RNPEP: variants seen among roughly 807,000 people sequenced by gnomAD.
The protein encoded by RNPEP is aminopeptidase B.
Under a neutral mutation model 70.1 loss-of-function variants are expected in RNPEP, and 57 were observed. The ratio of observed to expected loss-of-function variants is 0.81; its 90% CI spans 0.66 to 1.01. The LOEUF is 1.01. Ranked by LOEUF, RNPEP falls within the 50% of genes least tolerant of loss-of-function variation. The probability of loss-of-function intolerance (pLI) is 0.00; values close to 1 mark genes in which losing one functional copy is unlikely to be tolerated. For synonymous variants in RNPEP, 335 were observed against 357.4 expected, an observed-to-expected ratio of 0.94 and a Z score of 0.71; for missense variants, 787 against 852.4, an observed-to-expected ratio of 0.92 and a Z score of 0.96.
rs556004802 is a variant in RNPEP, at chr1:201,999,837, C to A, written c.1091-65C>A. The stretch of plus-strand genomic sequence containing the variant: ...CAAGGAGGCAGCACAGTGTCTCTGT[C>A]AGGAAAATACACTTGGATGTGGTGA... On this transcript the variant is annotated intron_variant, in intron 5 of 10. Coordinates refer to ENST00000295640, the MANE Select transcript of RNPEP (RefSeq NM_020216.4). 458 of 1,298,340 alleles carry A rather than the reference C, an allele frequency of 3.5e-4. 6 individuals carry two copies. The South Asian group carries it at 5.5e-3, about 16-fold the overall frequency. The allele number at this position is 1,298,340 out of a possible 1,614,324, so 80.4% of individuals were successfully genotyped here.
rs1010317728 is a variant in RNPEP, at chr1:201,989,040, T to C, written c.584T>C (p.Ile195Thr). 1.2e-6 allele frequency: 2 copies of C among 1,613,776 alleles called. No individual in the cohort carries two copies. The highest frequency in any genetic ancestry group is 1.7e-6 in the Non-Finnish European group (2 of 1,179,882). Residue 195 changes from isoleucine to threonine, a missense_variant, in exon 2 of 11, where the codon ATT becomes ACT. Physicochemically the swap from Ile to Thr is moderately conservative, Grantham distance 89. Transcript: ENST00000295640. ...PAVKYKYSAL[I>T]EVPDGFTAVM... is the part of the protein sequence containing the mutation. ...GTTAAATACAAGTATTCAGCTCTTATTGAGGTAAGGAGACTAAGGTTAGGT... is the reference window on the plus strand; with the variant it reads ...GTTAAATACAAGTATTCAGCTCTTACTGAGGTAAGGAGACTAAGGTTAGGT...
chr1:201,997,492 A>C lies in RNPEP; in HGVS notation c.1028A>C (p.Glu343Ala), dbSNP rs1683601929. 6.2e-7 allele frequency: 1 copy of C among 1,614,108 alleles called. No homozygotes were observed. Among genetic ancestry groups the C allele is most frequent in the Non-Finnish European group, 8.5e-7 (1 of 1,180,026 alleles). Reference protein sequence around the residue: ...GNLVTNANWGEFWLNEGFTMY... With the variant: ...GNLVTNANWGAFWLNEGFTMY... ...CTGGTCACCAACGCCAACTGGGGTGAATTCTGGCTCAATGAAGGTTTCACC... is the reference window on the plus strand; with the variant it reads ...CTGGTCACCAACGCCAACTGGGGTGCATTCTGGCTCAATGAAGGTTTCACC... The change falls in exon 5 of 11, where the codon GAA becomes GCA. Residue 343 changes from glutamate (E) to alanine (A), a missense_variant. Glu to Ala is a moderately radical substitution (Grantham distance 107, BLOSUM62 -1). Coordinates refer to ENST00000295640, the MANE Select transcript of RNPEP (RefSeq NM_020216.4).
At chr1:201,996,392 G>C (rs1038970313) in intron 4 of RNPEP, 129 bp downstream of exon 4, 4 of 727,580 alleles carry the variant, frequency 5.5e-6, no homozygotes, top group Non-Finnish European at 9.9e-6. Context: ...AAGTGAAGGA[G>C]AGGAGGAAGA....
chr1:201,989,800 A>C (rs1440130873), intron 3 of RNPEP, among the ~76,000 whole-genome samples: 4 of 151,648 alleles, frequency 2.6e-5, no homozygotes, highest in Non-Finnish European at 4.4e-5. Flanking sequence ...GGGCTGCCTT[A>C]CAGAGGGATG....
chr1:201,994,712 G>A (rs1277124962), intron 3 of RNPEP, among the ~76,000 whole-genome samples: 2 of 150,712 alleles, frequency 1.3e-5, no homozygotes, highest in East Asian at 1.9e-4. Context: ...TGTCACCCAG[G>A]CTGGAGTGCG....
rs1378110799 is a variant in RNPEP, at chr1:201,989,529, C to T, written c.735C>T (p.Pro245=). 6.2e-7 allele frequency: 1 copy of T among 1,614,094 alleles called. No individual in the cohort carries two copies. The change falls in exon 3 of 11, where the codon CCC becomes CCT. Residue 245 remains proline, a splice_region_variant and synonymous_variant. Coordinates refer to ENST00000295640, the MANE Select transcript of RNPEP (RefSeq NM_020216.4). The part of the protein sequence containing the change: ...IGDLVSAEVG[P]RSRVWAEPCL... Reference sequence around the variant, plus strand: ...ATCTGGTTTCGGCTGAAGTTGGACCCAGGTAGGAGACAAAGACCCCACAGG... The same window carrying T: ...ATCTGGTTTCGGCTGAAGTTGGACCTAGGTAGGAGACAAAGACCCCACAGG...
At chr1:201,990,821 C>A (rs1683300598) in intron 3 of RNPEP, among the ~76,000 whole-genome samples, 1 of 152,180 alleles carries the variant, frequency 6.6e-6, no homozygotes, top group African/African-American at 2.4e-5. Flanking sequence ...AAAAGGATGT[C>A]ATCTTTGCAA....
chr1:201,996,503 G>GTGTC (rs1683561709), intron 4 of RNPEP: 2 of 385,540 alleles, frequency 5.2e-6, no homozygotes, highest in Admixed American at 8.2e-5. Context: ...GTGTGTGTGT[G>GTGTC]TGTGTTTTGA....
In RNPEP at chr1:201,989,003, G is replaced by A. The variant is rs1211700238; in HGVS notation, c.547G>A (p.Asp183Asn). 22 of 1,614,016 alleles carry A rather than the reference G, an allele frequency of 1.4e-5. No individual in the cohort carries two copies. Among genetic ancestry groups the A allele is most frequent in the East Asian group, 2.2e-5 (1 of 44,900 alleles). Reference protein sequence around the residue: ...VLNRAFFPCFDTPAVKYKYSA... With the variant: ...VLNRAFFPCFNTPAVKYKYSA... The stretch of plus-strand genomic sequence containing the variant: ...AAACCGGGCCTTCTTCCCTTGCTTC[G>A]ACACGCCTGCTGTTAAATACAAGTA... Residue 183 changes from aspartate (D) to asparagine (N), a missense_variant, in exon 2 of 11, where the codon GAC (aspartate) becomes AAC (asparagine). Transcript: ENST00000295640.
intron 10 of RNPEP, 148 bp from the exon 11 acceptor site, chr1:202,005,410 C>T: frequency 1.2e-6 from 1 of 844,108 alleles, no homozygotes; most frequent in Admixed American, 2.6e-5. Context: ...TAGAGCACTT[C>T]TGATGAGAAG....
chr1:201,988,955 TAC>T lies in RNPEP; in HGVS notation c.502_503del (p.Thr168ProfsTer20). ...QTAGKKKPFV[Y>X]TQGQAVLNRA... ...AGCAGGAAAGAAGAAGCCCTTCGTG[TAC>T]ACCCAGGGCCAGGCTGTCCTAAACC... On this transcript the variant is annotated frameshift_variant, in exon 2 of 11. Coordinates refer to ENST00000295640, the MANE Select transcript of RNPEP (RefSeq NM_020216.4). LOFTEE classifies it high-confidence loss of function. The T allele has an allele frequency of 6.2e-7, 1 of 1,614,024 alleles. No homozygotes were observed. The highest frequency in any genetic ancestry group is 8.5e-7 in the Non-Finnish European group (1 of 1,179,964).
chr1:201,986,706 AT>A (rs1683144806), intron 1 of RNPEP, among the ~76,000 whole-genome samples: 1 of 151,430 alleles, frequency 6.6e-6, no homozygotes, highest in Admixed American at 6.6e-5. Flanking sequence ...ACCCTGGTTA[AT>A]TTTTGTATTT....
In RNPEP at chr1:202,001,693, T is replaced by G; in HGVS notation, c.1352T>G (p.Leu451Ter). 1 of 1,613,900 alleles carries G rather than the reference T, an allele frequency of 6.2e-7. No individual in the cohort carries two copies. The highest frequency in any genetic ancestry group is 8.5e-7 in the Non-Finnish European group (1 of 1,179,744). ...CATGAATTCAAATTCCGAAGCATCT[T>G]AGCCGATGACTTTCTGGACTTCTAC... ...YVHEFKFRSI[L>*]ADDFLDFYLE... The change falls in exon 8 of 11, where the codon TTA becomes TGA. Residue 451 changes from leucine (L) to a stop codon, truncating the protein, a stop_gained. Transcript: ENST00000295640. LOFTEE classifies it high-confidence loss of function.
chr1:201,984,184 C>T (rs1433038110), intron 1 of RNPEP, among the ~76,000 whole-genome samples: 1 of 152,178 alleles, frequency 6.6e-6, no homozygotes, highest in Non-Finnish European at 1.5e-5. Flanking sequence ...CCTGCCTCGG[C>T]GGCCTCCCAA....
chr1:201,989,619 G>A (rs1342391237), intron 3 of RNPEP, 88 bp downstream of exon 3: 1 of 1,428,748 alleles, frequency 7.0e-7, no homozygotes, highest in Non-Finnish European at 9.7e-7. Context: ...GGGGGTTCTT[G>A]GGCAGTCTTG....
At position 201,989,031 on chromosome 1, in the gene RNPEP, C is replaced by T; in HGVS notation, c.575C>T (p.Ser192Leu). The change falls in exon 2 of 11, where the codon TCA becomes TTA. Residue 192 changes from serine to leucine, a missense_variant. Coordinates refer to ENST00000295640, the MANE Select transcript of RNPEP (RefSeq NM_020216.4). ...FDTPAVKYKYSALIEVPDGFT... is the reference protein window; with the variant it reads ...FDTPAVKYKYLALIEVPDGFT... ...ACGCCTGCTGTTAAATACAAGTATTCAGCTCTTATTGAGGTAAGGAGACTA... is the reference window on the plus strand; with the variant it reads ...ACGCCTGCTGTTAAATACAAGTATTTAGCTCTTATTGAGGTAAGGAGACTA... The T allele has an allele frequency of 6.2e-7, 1 of 1,614,008 alleles. No homozygotes were observed. Among genetic ancestry groups the T allele is most frequent in the Non-Finnish European group, 8.5e-7 (1 of 1,179,970 alleles).
chr1:201,995,756 C>T (rs115313800), intron 3 of RNPEP: 550 of 171,958 alleles, frequency 3.2e-3, no homozygotes, highest in Non-Finnish European at 4.9e-3. Context: ...TCTTATCTCT[C>T]CTCTAAGTAG....
At chr1:201,988,759 A>T in intron 1 of RNPEP, 145 bp from the exon 2 acceptor site, 1 of 920,966 alleles carries the variant, frequency 1.1e-6, no homozygotes, top group Non-Finnish European at 1.6e-6. Context: ...CACAGAGGAG[A>T]GAGCTTTCTA....
chr1:201,989,734 T>C (rs1683255970), intron 3 of RNPEP, among the ~76,000 whole-genome samples: 1 of 152,184 alleles, frequency 6.6e-6, no homozygotes, highest in South Asian at 2.1e-4. Flanking sequence ...TCTCTCCAGT[T>C]CTAATCCTGC....
Sources: gnomAD v4.1 joint callset for allele counts (sites outside exome capture counted in the v4.1 genomes callset) on GRCh38, gnomAD v4.1.1 for gene constraint, MANE v1.5 for transcripts, NCBI Gene and HGNC (gene_info 2026-07-23, HGNC 2026-07-21) for gene names.